KCNH1: variants seen among roughly 807,000 people sequenced by gnomAD.
The protein encoded by KCNH1 is voltage-gated delayed rectifier potassium channel KCNH1.
A neutral mutation model predicts 69.2 loss-of-function variants in KCNH1; 27 were observed. The observed-to-expected ratio is 0.39, with a 90% CI of 0.29 to 0.54. The LOEUF (loss-of-function observed/expected upper bound fraction) is 0.54, where lower values mean the gene tolerates loss of function less well. Among genes scored for constraint, KCNH1 ranks in the 20% least tolerant of loss-of-function variants. The probability of loss-of-function intolerance (pLI) is 0.68; values close to 1 mark genes in which losing one functional copy is unlikely to be tolerated. For missense variants in KCNH1, 798 were observed against 1,261.6 expected, an observed-to-expected ratio of 0.63 and a Z score of 5.57; for synonymous variants, 456 against 487.7, an observed-to-expected ratio of 0.93 and a Z score of 0.86.
intron 7 of KCNH1, among the ~76,000 whole-genome samples, chr1:210,899,601 T>A (rs1209094567): frequency 6.6e-6 from 1 of 152,088 alleles, no homozygotes; most frequent in African/African-American, 2.4e-5. Context: ...ACCAAAAAAA[T>A]GAGAACCACT....
chr1:210,942,943 G>A (rs1044970352), intron 6 of KCNH1, among the ~76,000 whole-genome samples: 4 of 152,272 alleles, frequency 2.6e-5, no homozygotes, highest in African/African-American at 9.6e-5. Flanking sequence ...TGGAAAAGTT[G>A]TATATAGACT....
chr1:210,683,117 CTTT>C lies in KCNH1; in HGVS notation c.*161_*163del, dbSNP rs1681312386. On this transcript the variant is annotated 3_prime_UTR_variant, in exon 11 of 11. Coordinates refer to ENST00000271751, the MANE Select transcript of KCNH1 (RefSeq NM_172362.3). This position sits in a 1 kb window ranked among gnomAD's most constrained non-coding sequence, Gnocchi z 5.7. The stretch of plus-strand genomic sequence containing the variant: ...TAGGGGCACGCTACCCTTCCCATAT[CTTT>C]TTCCAGATAGAGAAAGAGCACGTCT... 1.4e-6 allele frequency: 1 copy of C among 733,312 alleles called. No homozygotes were observed. Among genetic ancestry groups the C allele is most frequent in the Non-Finnish European group, 2.3e-6 (1 of 437,780 alleles). 45.4% of individuals were successfully genotyped at this position (733,312 alleles called of 1,614,324 possible). A position where few individuals can be genotyped will look rare whatever the true frequency, so the allele number is the denominator to read the frequency against.
chr1:210,974,069 TTC>T (rs1229317265), intron 6 of KCNH1, among the ~76,000 whole-genome samples: 3 of 151,872 alleles, frequency 2.0e-5, no homozygotes, highest in Non-Finnish European at 4.4e-5. Flanking sequence ...AATGATTACT[TTC>T]TCTCTCTCTC....
chr1:211,051,587 GTGTT>G (rs112852259), intron 5 of KCNH1, among the ~76,000 whole-genome samples: 2 of 152,292 alleles, frequency 1.3e-5, no homozygotes, highest in African/African-American at 4.8e-5. Flanking sequence ...TCAAGAGAGA[GTGTT>G]TGACAGACAT....
At chr1:210,827,142 C>G (rs972310280) in intron 7 of KCNH1, among the ~76,000 whole-genome samples, 6 of 152,178 alleles carry the variant, frequency 3.9e-5, no homozygotes, top group Non-Finnish European at 8.8e-5. Context: ...TTCAGACCAT[C>G]CTGACCAACA....
chr1:211,128,776 A>T (rs955481711), intron 1 of KCNH1, among the ~76,000 whole-genome samples: 19 of 152,212 alleles, frequency 1.2e-4, no homozygotes, highest in Non-Finnish European at 1.5e-5. Flanking sequence ...GCTGGAAAAA[A>T]CAATGGGCTA....
chr1:211,075,437 G>A (rs1235139401), intron 5 of KCNH1, among the ~76,000 whole-genome samples: 5 of 152,216 alleles, frequency 3.3e-5, no homozygotes, highest in Admixed American at 3.3e-4. Context: ...CTGGAGCCAG[G>A]TTAGAAAGGG....
intron 5 of KCNH1, among the ~76,000 whole-genome samples, chr1:211,054,883 G>A (rs529781004): frequency 6.8e-4 from 103 of 152,108 alleles, no homozygotes; most frequent in African/African-American, 2.4e-3. Flanking sequence ...AGGGATGGTG[G>A]AAATGGAGGG....
intron 6 of KCNH1, among the ~76,000 whole-genome samples, chr1:210,992,584 A>AT (rs879940826): frequency 2.6e-5 from 4 of 151,942 alleles, no homozygotes; most frequent in Admixed American, 1.3e-4. Context: ...TTTTTAACAT[A>AT]TTTTTTTGGA....
intron 10 of KCNH1, among the ~76,000 whole-genome samples, chr1:210,716,431 CAAAAA>C (rs58725705): frequency 1.1e-5 from 1 of 91,978 alleles, no homozygotes; most frequent in South Asian, 4.2e-4. Context: ...GACTCCGTCT[CAAAAA>C]AAAAAAAAAA....
intron 10 of KCNH1, among the ~76,000 whole-genome samples, chr1:210,717,830 G>C (rs951108372): frequency 1.1e-4 from 16 of 152,186 alleles, no homozygotes; most frequent in African/African-American, 3.6e-4. Context: ...AATTGGCTGA[G>C]TGCAGTGGCT....
intron 1 of KCNH1, among the ~76,000 whole-genome samples, chr1:211,119,480 T>C (rs1691648631): frequency 1.3e-5 from 2 of 152,052 alleles, no homozygotes; most frequent in Admixed American, 1.3e-4. Flanking sequence ...GTATTTTCAC[T>C]AGACAAAGAC....
intron 5 of KCNH1, among the ~76,000 whole-genome samples, chr1:211,051,579 AAG>A (rs1690205795): frequency 6.6e-6 from 1 of 152,178 alleles, no homozygotes; most frequent in Non-Finnish European, 1.5e-5. Flanking sequence ...GCCCAGCGTC[AAG>A]AGAGAGTGTT....
chr1:211,037,521 C>T (rs530754174), intron 5 of KCNH1, among the ~76,000 whole-genome samples: 5 of 127,978 alleles, frequency 3.9e-5, no homozygotes, highest in Admixed American at 8.5e-5. Context: ...TTTTACTGTA[C>T]ACAGACTCTT....
chr1:210,898,181 C>T (rs945305200), intron 7 of KCNH1, among the ~76,000 whole-genome samples: 4 of 152,112 alleles, frequency 2.6e-5, no homozygotes, highest in Non-Finnish European at 5.9e-5. Context: ...GTATCTCTGT[C>T]GTTTGTGGAG....
At chr1:210,697,425 TG>T (rs1681668539) in intron 10 of KCNH1, among the ~76,000 whole-genome samples, 2 of 152,212 alleles carry the variant, frequency 1.3e-5, no homozygotes, top group Non-Finnish European at 2.9e-5. Flanking sequence ...GCTCCAGGCC[TG>T]GGGGTTGAGA....
In KCNH1 at chr1:210,968,615, C is replaced by T. The variant is rs1020310034; in HGVS notation, c.1033-48546G>A. On this transcript the variant is annotated intron_variant, in intron 6 of 10. Transcript: ENST00000271751. ...GTTTTGATTTGCATTTCTCTGATGG[C>T]CAGTGATGATGAGCATTTTTTCATG... Among the ~76,000 whole-genome samples, 51 of 151,584 alleles carry T rather than the reference C, an allele frequency of 3.4e-4. 1 individual carries two copies. The highest frequency in any genetic ancestry group is 1.2e-3 in the African/African-American group (50 of 41,240).
At chr1:210,975,761 A>C (rs530497563) in intron 6 of KCNH1, among the ~76,000 whole-genome samples, 1 of 152,340 alleles carries the variant, frequency 6.6e-6, no homozygotes, top group African/African-American at 2.4e-5. Flanking sequence ...GGATCTAATT[A>C]AACTAAAGAG....
intron 1 of KCNH1, among the ~76,000 whole-genome samples, chr1:211,107,827 C>T (rs1372402519): frequency 2.0e-5 from 3 of 152,174 alleles, no homozygotes; most frequent in Non-Finnish European, 4.4e-5. Flanking sequence ...TTGACCCTAA[C>T]TAGGATTTGC....
Sources: allele counts gnomAD v4.1 joint callset (sites outside exome capture counted in the v4.1 genomes callset), GRCh38; gene constraint gnomAD v4.1.1; non-coding constraint Gnocchi (gnomAD v3.1); transcripts MANE v1.5; gene names NCBI Gene and HGNC (gene_info 2026-07-23, HGNC 2026-07-21).